The following PHLPP1 variants were observed in gnomAD, a reference collection of about 807,000 sequenced individuals.
The protein encoded by PHLPP1 is PH domain leucine-rich repeat-containing protein phosphatase 1.
Under a neutral mutation model 117.2 loss-of-function variants are expected in PHLPP1, and 42 were observed. That is an observed-to-expected ratio of 0.36 (90% CI 0.28 to 0.46). The LOEUF (loss-of-function observed/expected upper bound fraction) is 0.46, where lower values mean the gene tolerates loss of function less well. PHLPP1 is among the 20% of genes least tolerant of loss of function. PHLPP1 has a pLI of 1.00. For synonymous variants in PHLPP1, 1,042 were observed against 970.7 expected (o/e 1.07, Z -1.37); for missense variants, 2,084 against 2,241.9 (o/e 0.93, Z 1.42).
chr18:62,730,344 C>A (rs1733455590), intron 1 of PHLPP1, among the ~76,000 whole-genome samples: 1 of 152,140 alleles, frequency 6.6e-6, no homozygotes, highest in Non-Finnish European at 1.5e-5. Flanking sequence ...AGTACTAGTT[C>A]TTACACACCA....
In PHLPP1 at chr18:62,914,985, T is replaced by C. The variant is rs1295940635; in HGVS notation, c.2781T>C (p.Asn927=). 6.2e-7 allele frequency: 1 copy of C among 1,613,262 alleles called. No homozygotes were observed. Among genetic ancestry groups the C allele is most frequent in the South Asian group, 1.1e-5 (1 of 91,038 alleles). ...TAGAAGTTTTGGATATTGGCCATAA[T>C]CAAATATGTGAACTTCCTGCCCGGT... The part of the protein sequence containing the change: ...RKLEVLDIGH[N]QICELPARLF... Residue 927 remains asparagine (N), a synonymous_variant, in exon 9 of 17, where the codon AAT becomes AAC. Transcript: ENST00000262719.
At chr18:62,851,685 T>A (rs1317055790) in intron 3 of PHLPP1, among the ~76,000 whole-genome samples, 2 of 152,072 alleles carry the variant, frequency 1.3e-5, no homozygotes, top group Non-Finnish European at 2.9e-5. Context: ...GGTCTCAAAC[T>A]CCTGACCTCA....
intron 1 of PHLPP1, among the ~76,000 whole-genome samples, chr18:62,760,586 A>C (rs1437927021): frequency 6.6e-6 from 1 of 152,144 alleles, no homozygotes; most frequent in Non-Finnish European, 1.5e-5. Context: ...CCTGTGTGGA[A>C]TGGATATAAT....
Position 62,979,239 on chromosome 18 carries a change from C to A in PHLPP1, c.4962C>A (p.Ala1654=), listed in dbSNP as rs1911301516. The A allele has an allele frequency of 6.3e-7, 1 of 1,596,124 alleles. No homozygotes were observed. Among genetic ancestry groups the A allele is most frequent in the African/African-American group, 1.3e-5 (1 of 74,630 alleles). The change falls in exon 17 of 17, where the codon GCC becomes GCA. Residue 1654 remains alanine, a synonymous_variant. Coordinates refer to ENST00000262719, the MANE Select transcript of PHLPP1 (RefSeq NM_194449.4). Reference sequence around the variant, plus strand: ...GAAAGCCTGGAGGCTATTTTGCTGCCCCGGCTCAGCCGGATCCTGATGATC... The same window carrying A: ...GAAAGCCTGGAGGCTATTTTGCTGCACCGGCTCAGCCGGATCCTGATGATC... ...PLRKPGGYFA[A]PAQPDPDDQF...
At position 62,860,596 on chromosome 18, in the gene PHLPP1, G is replaced by A. The variant is rs572064997; in HGVS notation, c.2061G>A (p.Leu687=). 5.6e-6 allele frequency: 9 copies of A among 1,611,442 alleles called. No individual in the cohort carries two copies. The African/African-American group carries it at 1.1e-4, about 19-fold the overall frequency. The change falls in exon 4 of 17, where the codon CTG becomes CTA. Residue 687 remains leucine, a synonymous_variant. Coordinates refer to ENST00000262719, the MANE Select transcript of PHLPP1 (RefSeq NM_194449.4). The part of the protein sequence containing the change: ...SLPAARGLNE[L]QRFTKLKSLN... ...CAGCTGCCAGGGGGCTTAATGAACT[G>A]CAAAGGTAAGCCTGCAGAAATGGGT...
chr18:62,842,269 G>A (rs935169055), intron 3 of PHLPP1, among the ~76,000 whole-genome samples: 2 of 152,126 alleles, frequency 1.3e-5, no homozygotes, highest in Non-Finnish European at 2.9e-5. Context: ...AACAACCATG[G>A]CAGCCTTTTG....
At chr18:62,926,795 C>T (rs1362880965) in intron 10 of PHLPP1, among the ~76,000 whole-genome samples, 2 of 152,134 alleles carry the variant, frequency 1.3e-5, no homozygotes, top group Admixed American at 1.3e-4. Flanking sequence ...AATGTTGTTC[C>T]TTTAGCAGCT....
At chr18:62,752,376 G>A (rs1381306717) in intron 1 of PHLPP1, among the ~76,000 whole-genome samples, 1 of 152,220 alleles carries the variant, frequency 6.6e-6, no homozygotes, top group African/African-American at 2.4e-5. Flanking sequence ...AAGATAAAGA[G>A]GCTAAGGAAT....
intron 1 of PHLPP1, among the ~76,000 whole-genome samples, chr18:62,785,216 TGATGTCACAGTCAGTA>T (rs1913244466): frequency 1.3e-5 from 2 of 152,188 alleles, no homozygotes; most frequent in Admixed American, 6.5e-5. Flanking sequence ...CTGCCAACAG[TGATGTCACAGTCAGTA>T]GATAAAGAGC....
intron 10 of PHLPP1, 49 bp from the exon 11 acceptor site, chr18:62,941,669 G>A: frequency 7.2e-7 from 1 of 1,390,386 alleles, no homozygotes; most frequent in South Asian, 1.2e-5. Context: ...GGTTTCTTGA[G>A]GGTTTTTGTG....
At chr18:62,899,101 C>T (rs921229502) in intron 6 of PHLPP1, among the ~76,000 whole-genome samples, 10 of 152,020 alleles carry the variant, frequency 6.6e-5, no homozygotes, top group Non-Finnish European at 1.0e-4. Flanking sequence ...CGCCTGGCCT[C>T]AACTAATTTA....
At chr18:62,757,626 CTAT>C (rs1912069447) in intron 1 of PHLPP1, among the ~76,000 whole-genome samples, 3 of 152,198 alleles carry the variant, frequency 2.0e-5, no homozygotes, top group Non-Finnish European at 4.4e-5. Context: ...TAGACTCTGT[CTAT>C]TATAGCTTAA....
chr18:62,932,965 G>A (rs905759228), intron 10 of PHLPP1, among the ~76,000 whole-genome samples: 7 of 152,080 alleles, frequency 4.6e-5, no homozygotes, highest in African/African-American at 1.7e-4. Flanking sequence ...CTATACACCA[G>A]TAACTTTCAA....
chr18:62,902,256 C>T (rs1916741916), intron 6 of PHLPP1, among the ~76,000 whole-genome samples: 1 of 152,166 alleles, frequency 6.6e-6, no homozygotes, highest in African/African-American at 2.4e-5. Flanking sequence ...TTTTGTCCGG[C>T]ATTCTAAGAT....
At position 62,717,108 on chromosome 18, in the gene PHLPP1, C is replaced by T. The variant is rs989350080; in HGVS notation, c.1425C>T (p.Leu475=). 1 of 1,570,286 alleles carries T rather than the reference C, an allele frequency of 6.4e-7. No homozygotes were observed. ...PPPPPTLYVQ[L]HGETTRRLEA... ...CGCCGCCCACCCTGTACGTGCAGCT[C>T]CACGGAGAGACCACCCGGCGCTTGG... Residue 475 remains leucine (L), a synonymous_variant, in exon 1 of 17, where the codon CTC becomes CTT. Coordinates refer to ENST00000262719, the MANE Select transcript of PHLPP1 (RefSeq NM_194449.4).
chr18:62,945,662 C>T (rs1204412739), intron 12 of PHLPP1, among the ~76,000 whole-genome samples: 1 of 152,176 alleles, frequency 6.6e-6, no homozygotes, highest in African/African-American at 2.4e-5. Context: ...CACTACACAT[C>T]GCTCCCTACC....
intron 1 of PHLPP1, among the ~76,000 whole-genome samples, chr18:62,813,943 T>C (rs954077572): frequency 6.6e-6 from 1 of 151,000 alleles, no homozygotes; most frequent in African/African-American, 2.5e-5. Context: ...TATGTGAGAA[T>C]TTTCTTTGGT....
At chr18:62,769,587 A>G (rs892145436) in intron 1 of PHLPP1, among the ~76,000 whole-genome samples, 2 of 152,196 alleles carry the variant, frequency 1.3e-5, no homozygotes, top group African/African-American at 4.8e-5. Flanking sequence ...AAAATAGGCC[A>G]TTACTGTTTG....
At chr18:62,964,870 G>A (rs541706106) in intron 14 of PHLPP1, among the ~76,000 whole-genome samples, 13 of 152,018 alleles carry the variant, frequency 8.6e-5, no homozygotes, top group South Asian at 2.1e-4. Context: ...ATATCTACTC[G>A]TGTCTTAATG....
Sources: gnomAD v4.1 joint callset for allele counts (sites outside exome capture counted in the v4.1 genomes callset) on GRCh38, gnomAD v4.1.1 for gene constraint, MANE v1.5 for transcripts, NCBI Gene and HGNC (gene_info 2026-07-23, HGNC 2026-07-21) for gene names.